The following SPEN variants were observed in gnomAD, a reference collection of about 807,000 sequenced individuals.
SPEN encodes the protein msx2-interacting protein.
Under a neutral mutation model 269.9 loss-of-function variants are expected in SPEN, and 18 were observed. That is an observed-to-expected ratio of 0.07 (90% CI 0.05 to 0.10). The LOEUF (loss-of-function observed/expected upper bound fraction) is 0.10, where lower values mean the gene tolerates loss of function less well. Among genes scored for constraint, SPEN ranks in the 10% least tolerant of loss-of-function variants. SPEN has a pLI of 1.00. For synonymous variants in SPEN, 1,726 were observed against 1,765.7 expected (o/e 0.98, Z 0.56); for missense variants, 3,822 against 4,631.2 (o/e 0.83, Z 5.07).
At chr1:15,860,378 GGTGTGTGTGTGT>G (rs60005872) in intron 1 of SPEN, among the ~76,000 whole-genome samples, 74 of 121,236 alleles carry the variant, frequency 6.1e-4, no homozygotes, top group South Asian at 1.9e-3. Flanking sequence ...TAGCTTCAGA[GGTGTGTGTGTGT>G]GTGTGTGTGT....
chr1:15,930,477 G>C lies in SPEN; in HGVS notation c.4237G>C (p.Asp1413His), dbSNP rs763419267. 6.2e-7 allele frequency: 1 copy of C among 1,614,216 alleles called. No homozygotes were observed. The highest frequency in any genetic ancestry group is 1.1e-5 in the South Asian group (1 of 91,088). ...RLSFLLRDREDKLRERDERLS... is the reference protein window; with the variant it reads ...RLSFLLRDREHKLRERDERLS... ...GTCTTTTTTATTGAGGGACAGAGAA[G>C]ACAAGCTACGTGAGCGAGATGAAAG... The change falls in exon 11 of 15, where the codon GAC becomes CAC. Residue 1413 changes from aspartate (D) to histidine (H), a missense_variant. This residue lies in a region of SPEN where 267 missense variants were observed against 315.5 expected (regional missense o/e 0.85). Transcript: ENST00000375759. The surrounding 1 kb of genome is among the most constrained non-coding windows in gnomAD (Gnocchi z 5.3).
At chr1:15,894,776 C>G (rs975221674) in intron 3 of SPEN, among the ~76,000 whole-genome samples, 31 of 151,990 alleles carry the variant, frequency 2.0e-4, no homozygotes, top group Non-Finnish European at 3.5e-4. Context: ...ACCTCCTGAT[C>G]TGCCTGCCTT....
Position 15,935,468 on chromosome 1 carries a change from T to G in SPEN, c.9228T>G (p.Ser3076=), listed in dbSNP as rs760879807. Residue 3076 remains serine (S), a synonymous_variant, in exon 11 of 15, where the codon TCT becomes TCG. Coordinates refer to ENST00000375759, the MANE Select transcript of SPEN (RefSeq NM_015001.3). The surrounding 1 kb of genome is among the most constrained non-coding windows in gnomAD (Gnocchi z 7.7). ...TCTCCAGCATCCACCCAGAGCAGTC[T>G]GTCATCATGCCACCCCACAGCATCA... The part of the protein sequence containing the change: ...QFISSIHPEQ[S]VIMPPHSITQ... The G allele has an allele frequency of 6.2e-7, 1 of 1,613,884 alleles. No individual in the cohort carries two copies. Among genetic ancestry groups the G allele is most frequent in the Non-Finnish European group, 8.5e-7 (1 of 1,179,996 alleles).
At chr1:15,851,586 G>C (rs866913949) in intron 1 of SPEN, among the ~76,000 whole-genome samples, 1 of 152,172 alleles carries the variant, frequency 6.6e-6, no homozygotes, top group Non-Finnish European at 1.5e-5. Flanking sequence ...TATCTTTTCA[G>C]ATTTTAAGTA....
At chr1:15,911,045 A>G (rs2071007349) in intron 4 of SPEN, 56 bp from the exon 5 acceptor site, 1 of 1,419,106 alleles carries the variant, frequency 7.0e-7, no homozygotes, top group Non-Finnish European at 9.7e-7. Context: ...TAGGTTGCTT[A>G]TTTAGTTATA....
chr1:15,938,186 C>T (rs2071297332), intron 13 of SPEN, among the ~76,000 whole-genome samples, 180 bp downstream of exon 13: 1 of 152,260 alleles, frequency 6.6e-6, no homozygotes, highest in South Asian at 2.1e-4. Context: ...TCATTATAGC[C>T]TCTGCCTCCC....
chr1:15,929,894 C>A lies in SPEN; in HGVS notation c.3654C>A (p.Val1218=). 6.2e-7 allele frequency: 1 copy of A among 1,614,152 alleles called. No individual in the cohort carries two copies. The highest frequency in any genetic ancestry group is 1.1e-5 in the South Asian group (1 of 91,078). ...VHEVGKPPQD[V]TDDSPPSKKK... is the part of the protein sequence containing the mutation. ...AGGTAGGCAAACCCCCTCAAGATGTCACTGATGACTCTCCTCCTAGCAAAA... is the reference window on the plus strand; with the variant it reads ...AGGTAGGCAAACCCCCTCAAGATGTAACTGATGACTCTCCTCCTAGCAAAA... Residue 1218 remains valine, a synonymous_variant, in exon 11 of 15, where the codon GTC becomes GTA. Transcript: ENST00000375759. The surrounding 1 kb of genome is among the most constrained non-coding windows in gnomAD (Gnocchi z 5.8).
chr1:15,858,509 G>A (rs776063855), intron 1 of SPEN, among the ~76,000 whole-genome samples: 14 of 152,182 alleles, frequency 9.2e-5, no homozygotes, highest in Non-Finnish European at 1.9e-4. Flanking sequence ...GTGTATAGTA[G>A]GCTCTACCAT....
At chr1:15,904,648 ATT>A (rs113834328) in intron 3 of SPEN, among the ~76,000 whole-genome samples, 22 of 139,396 alleles carry the variant, frequency 1.6e-4, no homozygotes, top group African/African-American at 2.1e-4. Context: ...GAGTGTGATA[ATT>A]TTTTTTTTTT....
At chr1:15,875,118 G>A (rs1404653947) in intron 2 of SPEN, among the ~76,000 whole-genome samples, 7 of 152,104 alleles carry the variant, frequency 4.6e-5, no homozygotes, top group Non-Finnish European at 1.0e-4. Context: ...AGGAACTCAG[G>A]AGCTGAGTTC....
In SPEN at chr1:15,929,144, G is replaced by T. The variant is rs2071197029; in HGVS notation, c.2904G>T (p.Gln968His). Reference protein sequence around the residue: ...LKARKHLKPEQPADGVSAVDL... With the variant: ...LKARKHLKPEHPADGVSAVDL... ...CCAGGAAGCACCTCAAGCCTGAGCA[G>T]CCTGCAGATGGGGTAAGTGCTGTGG... is the stretch of plus-strand genomic sequence containing the variant. The change falls in exon 11 of 15, where the codon CAG (glutamine) becomes CAT (histidine). Residue 968 changes from glutamine to histidine, a missense_variant. Transcript: ENST00000375759. The surrounding 1 kb of genome is among the most constrained non-coding windows in gnomAD (Gnocchi z 5.8). 1 of 1,614,120 alleles carries T rather than the reference G, an allele frequency of 6.2e-7. No homozygotes were observed. The highest frequency in any genetic ancestry group is 1.3e-5 in the African/African-American group (1 of 74,938).
At position 15,934,308 on chromosome 1, in the gene SPEN, G is replaced by T; in HGVS notation, c.8068G>T (p.Val2690Leu). The change falls in exon 11 of 15, where the codon GTG becomes TTG. Residue 2690 changes from valine to leucine, a missense_variant. This residue lies in a region of SPEN where 329 missense variants were observed against 431.2 expected (regional missense o/e 0.76). Transcript: ENST00000375759. The surrounding 1 kb of genome is among the most constrained non-coding windows in gnomAD (Gnocchi z 9.2). ...TTTGGTGAGCACCCCTGCTGGGCCC[G>T]TGAACGTCCTGAAAGGGCCTGTGAA... ...KSLVSTPAGP[V>L]NVLKGPVNVL... 3 of 1,614,052 alleles carry T rather than the reference G, an allele frequency of 1.9e-6. No homozygotes were observed. Among genetic ancestry groups the T allele is most frequent in the Non-Finnish European group, 2.5e-6 (3 of 1,180,036 alleles).
intron 3 of SPEN, among the ~76,000 whole-genome samples, chr1:15,878,418 A>G (rs1247258369): frequency 6.6e-6 from 1 of 152,174 alleles, no homozygotes; most frequent in Non-Finnish European, 1.5e-5. Context: ...GAAGATTTGC[A>G]TATTAAAATG....
Position 15,876,588 on chromosome 1 carries a change from G to C in SPEN, c.791G>C (p.Arg264Thr). 1 of 1,613,842 alleles carries C rather than the reference G, an allele frequency of 6.2e-7. No individual in the cohort carries two copies. Among genetic ancestry groups the C allele is most frequent in the South Asian group, 1.1e-5 (1 of 91,072 alleles). The change falls in exon 3 of 15, where the codon AGA becomes ACA. Residue 264 changes from arginine (R) to threonine (T), a missense_variant. Around this residue, in one of 16 missense-constraint regions of SPEN, gnomAD observed 327 missense variants for 350.8 expected, o/e 0.93. Transcript: ENST00000375759. ...SPQRLASQASRPTRSPSGSGS... is the reference protein window; with the variant it reads ...SPQRLASQASTPTRSPSGSGS... ...CAGAGACTGGCTAGCCAAGCATCTA[G>C]ACCCACAAGGTCCCCTAGCGGCAGC...
At position 15,931,022 on chromosome 1, in the gene SPEN, A is replaced by G; in HGVS notation, c.4782A>G (p.Gln1594=). The G allele has an allele frequency of 6.2e-7, 1 of 1,613,738 alleles. No homozygotes were observed. The change falls in exon 11 of 15, where the codon CAA becomes CAG. Residue 1594 remains glutamine (Q), a synonymous_variant. Transcript: ENST00000375759. The surrounding 1 kb of genome is among the most constrained non-coding windows in gnomAD (Gnocchi z 4.8). ...HSRFMELTRM[Q]QKEKEKDQKP... The stretch of plus-strand genomic sequence containing the variant: ...GATTTATGGAGCTCACACGGATGCA[A>G]CAGAAAGAAAAAGAAAAAGACCAGA...
At chr1:15,894,110 C>G (rs142075455) in intron 3 of SPEN, among the ~76,000 whole-genome samples, 1 of 152,218 alleles carries the variant, frequency 6.6e-6, no homozygotes, top group Non-Finnish European at 1.5e-5. Context: ...AAAACACACA[C>G]ACACTCACTT....
At chr1:15,857,702 C>G (rs1057089242) in intron 1 of SPEN, among the ~76,000 whole-genome samples, 26 of 151,466 alleles carry the variant, frequency 1.7e-4, no homozygotes, top group African/African-American at 5.6e-4. Flanking sequence ...TTTTTTCTAC[C>G]CAGGTTGGAG....
intron 3 of SPEN, among the ~76,000 whole-genome samples, chr1:15,892,012 C>CTT (rs71003216): frequency 0.02 from 1,457 of 74,600 alleles, 82 homozygotes; most frequent in African/African-American, 0.068. Flanking sequence ...TTTCTTTTTA[C>CTT]TTTTTTTTTT....
At position 15,939,575 on chromosome 1, in the gene SPEN, C is replaced by G; in HGVS notation, c.*148C>G. On this transcript the variant is annotated 3_prime_UTR_variant, in exon 15 of 15. Coordinates refer to ENST00000375759, the MANE Select transcript of SPEN (RefSeq NM_015001.3). This position sits in a 1 kb window ranked among gnomAD's most constrained non-coding sequence, Gnocchi z 4.1. ...CCGTTTGCTGTCCTGCCGCCCGGCT[C>G]AGTCGGCCAGACTTCCTCTAGGAGT... The G allele has an allele frequency of 1.0e-6, 1 of 970,910 alleles. No individual in the cohort carries two copies. The highest frequency in any genetic ancestry group is 1.5e-6 in the Non-Finnish European group (1 of 685,942). The allele number at this position is 970,910 out of a possible 1,614,324, so 60.1% of individuals were successfully genotyped here.
Sources: gnomAD v4.1 joint callset for allele counts (sites outside exome capture counted in the v4.1 genomes callset) on GRCh38, gnomAD v4.1.1 for gene constraint, gnomAD v4.1.1 regional missense constraint, Gnocchi (gnomAD v3.1) non-coding constraint, MANE v1.5 for transcripts, NCBI Gene and HGNC (gene_info 2026-07-23, HGNC 2026-07-21) for gene names.